The following MYZAP variants were observed in gnomAD, a reference collection of about 807,000 sequenced individuals.
The protein encoded by MYZAP is GRINL1A complex locus upstream.
Under a neutral mutation model 69.4 loss-of-function variants are expected in MYZAP, and 66 were observed. That is an observed-to-expected ratio of 0.95 (90% CI 0.78 to 1.17). The LOEUF (loss-of-function observed/expected upper bound fraction) is 1.17, where lower values mean the gene tolerates loss of function less well. Ranked by LOEUF, MYZAP falls within the 50% of genes most tolerant of loss-of-function variation. MYZAP has a pLI of 0.00. For missense variants in MYZAP, 611 were observed against 556.2 expected, an observed-to-expected ratio of 1.10 and a Z score of -0.99; for synonymous variants, 256 against 205.9, an observed-to-expected ratio of 1.24 and a Z score of -2.09.
chr15:57,602,876 A>G (rs745956886), intron 1 of MYZAP, among the ~76,000 whole-genome samples: 2 of 152,148 alleles, frequency 1.3e-5, no homozygotes, highest in Non-Finnish European at 2.9e-5. Flanking sequence ...AGATGCCTAT[A>G]CATGGTTAGC....
intron 7 of MYZAP, 71 bp downstream of exon 7, chr15:57,632,630 G>GTA: frequency 1.3e-6 from 2 of 1,583,568 alleles, no homozygotes; most frequent in Non-Finnish European, 1.7e-6. Flanking sequence ...TGATGTATAC[G>GTA]TAGTAGTGTT....
intron 11 of MYZAP, among the ~76,000 whole-genome samples, chr15:57,663,776 A>G (rs2038430084): frequency 6.6e-6 from 1 of 152,194 alleles, no homozygotes; most frequent in African/African-American, 2.4e-5. Context: ...GGTGGGTGGC[A>G]GTGTCAGCTA....
At chr15:57,663,433 G>T (rs2038410290) in intron 11 of MYZAP, among the ~76,000 whole-genome samples, 3 of 152,184 alleles carry the variant, frequency 2.0e-5, no homozygotes, top group Admixed American at 2.0e-4. Flanking sequence ...CCCACTAGGG[G>T]AATGGGGAAA....
At chr15:57,600,786 T>C (rs943951648) in intron 1 of MYZAP, among the ~76,000 whole-genome samples, 5 of 152,152 alleles carry the variant, frequency 3.3e-5, no homozygotes, top group Non-Finnish European at 7.3e-5. Flanking sequence ...ATCTAGATAA[T>C]AGTAAAAATA....
At position 57,625,802 on chromosome 15, in the gene MYZAP, T is replaced by A; in HGVS notation, c.435T>A (p.Tyr145Ter). The A allele has an allele frequency of 1.2e-6, 2 of 1,614,188 alleles. No homozygotes were observed. Among genetic ancestry groups the A allele is most frequent in the Non-Finnish European group, 1.7e-6 (2 of 1,180,040 alleles). The change falls in exon 5 of 13, where the codon TAT becomes TAA. Residue 145 changes from tyrosine to a stop codon, truncating the protein, a stop_gained. Coordinates refer to ENST00000267853, the MANE Select transcript of MYZAP (RefSeq NM_001018100.5). LOFTEE classifies it high-confidence loss of function. ...ELSVSHAQQE[Y>*]LENHIQTQSS... Reference sequence around the variant, plus strand: ...AGGTTTCCCATGCTCAGCAGGAGTATCTGGAGAATCACATCCAAACCCAGT... The same window carrying A: ...AGGTTTCCCATGCTCAGCAGGAGTAACTGGAGAATCACATCCAAACCCAGT...
chr15:57,604,234 A>G (rs2034595227), intron 1 of MYZAP, 35 bp from the exon 2 acceptor site: 3 of 1,609,030 alleles, frequency 1.9e-6, no homozygotes, highest in Admixed American at 1.7e-5. Context: ...CCAAATGCTG[A>G]CTCCTAACTG....
intron 1 of MYZAP, among the ~76,000 whole-genome samples, chr15:57,595,556 A>T (rs899774962): frequency 9.0e-5 from 13 of 143,698 alleles, no homozygotes; most frequent in South Asian, 2.6e-4. Context: ...GTGTTGCTTT[A>T]TGGCTTCCCC....
intron 12 of MYZAP, among the ~76,000 whole-genome samples, chr15:57,677,464 A>G (rs2039199168): frequency 6.6e-6 from 1 of 152,244 alleles, no homozygotes; most frequent in Non-Finnish European, 1.5e-5. Flanking sequence ...GTCTTGGTGC[A>G]GTACATGTGT....
intron 10 of MYZAP, among the ~76,000 whole-genome samples, chr15:57,659,007 A>G (rs1379489389): frequency 6.6e-6 from 1 of 152,106 alleles, no homozygotes; most frequent in African/African-American, 2.4e-5. Flanking sequence ...TTTTTCCTCC[A>G]AACTCCTTTC....
At chr15:57,679,985 G>A (rs760172902) in intron 12 of MYZAP, among the ~76,000 whole-genome samples, 10 of 152,108 alleles carry the variant, frequency 6.6e-5, no homozygotes, top group African/African-American at 1.4e-4. Flanking sequence ...TCCTGAGTCC[G>A]CCTCCTGCTT....
At chr15:57,599,805 T>G in intron 1 of MYZAP, 1 of 886,366 alleles carries the variant, frequency 1.1e-6, no homozygotes, top group Non-Finnish European at 1.6e-6. Flanking sequence ...GACAACTTTA[T>G]GGGTGGTTCA....
chr15:57,621,096 T>A lies in MYZAP; in HGVS notation c.319-512T>A, dbSNP rs1404288505. ...AATAAAATTATATATATATAAATTA[T>A]TTGGATAATTCCTAACTAGTTTCTA... On this transcript the variant is annotated intron_variant, in intron 3 of 12. Coordinates refer to ENST00000267853, the MANE Select transcript of MYZAP (RefSeq NM_001018100.5). Among the ~76,000 whole-genome samples the A allele has an allele frequency of 2.0e-5, 3 of 148,382 alleles. No homozygotes were observed. In the East Asian group the frequency reaches 5.8e-4, roughly 29 times the overall value.
intron 10 of MYZAP, 129 bp from the exon 11 acceptor site, chr15:57,661,321 T>A: frequency 1.3e-6 from 1 of 756,212 alleles, no homozygotes; most frequent in East Asian, 2.8e-5. Context: ...CCAGCCCCAC[T>A]GGAAATGAGG....
intron 5 of MYZAP, among the ~76,000 whole-genome samples, chr15:57,627,016 G>C (rs1455740614): frequency 3.3e-5 from 5 of 152,178 alleles, no homozygotes; most frequent in Non-Finnish European, 5.9e-5. Flanking sequence ...CCTGTGGTCG[G>C]GGGGGCTTGC....
At chr15:57,660,975 G>C (rs1464487524) in intron 10 of MYZAP, among the ~76,000 whole-genome samples, 1 of 152,166 alleles carries the variant, frequency 6.6e-6, no homozygotes, top group African/African-American at 2.4e-5. Context: ...TTGACACTTG[G>C]TTGAACAAAT....
chr15:57,656,988 T>C (rs1298482230), intron 10 of MYZAP, among the ~76,000 whole-genome samples: 1 of 152,164 alleles, frequency 6.6e-6, no homozygotes, highest in Admixed American at 6.6e-5. Context: ...TGCTCTCTCA[T>C]GAGAAGTCTA....
At chr15:57,669,271 A>G (rs2038757652) in intron 11 of MYZAP, among the ~76,000 whole-genome samples, 1 of 152,042 alleles carries the variant, frequency 6.6e-6, no homozygotes, top group Non-Finnish European at 1.5e-5. Context: ...CCTGAGAAAT[A>G]TTTGCCTACT....
chr15:57,659,526 G>C (rs1397955859), intron 10 of MYZAP, among the ~76,000 whole-genome samples: 2 of 152,134 alleles, frequency 1.3e-5, no homozygotes, highest in Non-Finnish European at 2.9e-5. Flanking sequence ...TTCCAAACAT[G>C]ATGATACCAC....
chr15:57,672,318 C>T (rs1489770526), intron 11 of MYZAP, among the ~76,000 whole-genome samples: 1 of 152,142 alleles, frequency 6.6e-6, no homozygotes, highest in African/African-American at 2.4e-5. Context: ...GCTCTCAGGG[C>T]AAATCTGCCA....
Sources: gnomAD v4.1 joint callset for allele counts (sites outside exome capture counted in the v4.1 genomes callset) on GRCh38, gnomAD v4.1.1 for gene constraint, MANE v1.5 for transcripts, NCBI Gene and HGNC (gene_info 2026-07-23, HGNC 2026-07-21) for gene names.